The following CUX1 variants were observed in gnomAD, a reference collection of about 807,000 sequenced individuals.
CUX1 encodes the protein protein CASP.
In CUX1, 31 loss-of-function variants were observed where a neutral mutation model predicts 158.8. The ratio of observed to expected loss-of-function variants is 0.20; its 90% CI spans 0.15 to 0.26. CUX1 has a LOEUF of 0.26. Among genes scored for constraint, CUX1 ranks in the 10% least tolerant of loss-of-function variants. CUX1 has a pLI of 1.00. For missense variants in CUX1, 1,589 were observed against 2,014.6 expected (o/e 0.79, Z 4.04); for synonymous variants, 879 against 862.1 (o/e 1.02, Z -0.34).
In CUX1 at chr7:102,252,648, A is replaced by G; in HGVS notation, c.*3606A>G. ...GAGTTCCGGCCCAAGCTCCCTTGTG[A>G]TAGCCGAGATGGCAGGTGTGTGAGT... On this transcript the variant is annotated 3_prime_UTR_variant, in exon 24 of 24. Transcript: ENST00000292535. 1.0e-6 allele frequency: 1 copy of G among 985,434 alleles called. No homozygotes were observed. Among genetic ancestry groups the G allele is most frequent in the Non-Finnish European group, 1.2e-6 (1 of 829,942 alleles). 61.0% of individuals were successfully genotyped at this position (985,434 alleles called of 1,614,324 possible).
At chr7:102,147,724 C>T (rs1351215845) in intron 8 of CUX1, among the ~76,000 whole-genome samples, 3 of 152,134 alleles carry the variant, frequency 2.0e-5, no homozygotes, top group Admixed American at 6.6e-5. Flanking sequence ...TGGGCCGGTG[C>T]GGTGGCTCAT....
chr7:102,064,238 C>T (rs412332), intron 3 of CUX1, among the ~76,000 whole-genome samples: 126,867 of 152,110 alleles, frequency 0.83, 53,048 homozygotes, highest in East Asian at 0.99. Context: ...GTGTGTGAAA[C>T]GGAGTTTTGC....
intron 4 of CUX1, among the ~76,000 whole-genome samples, chr7:102,072,720 C>T (rs1456064852): frequency 6.6e-6 from 1 of 152,144 alleles, no homozygotes; most frequent in East Asian, 1.9e-4. Context: ...TGGTTCCCTG[C>T]CTGCAGACCC....
rs782556127 is a variant in CUX1, at chr7:102,201,418, C to T, written c.2121C>T (p.Arg707=). ...GCGGGAACTCTGATGACGCCATCCG[C>T]TCCATCCTGCAGCAAGCCCGCCGGG... The part of the protein sequence containing the change: ...SGSGNSDDAI[R]SILQQARREM... The change falls in exon 18 of 24, where the codon CGC becomes CGT. Residue 707 remains arginine, a synonymous_variant. Transcript: ENST00000292535. The surrounding 1 kb of genome is among the most constrained non-coding windows in gnomAD (Gnocchi z 5.0). 3.7e-6 allele frequency: 6 copies of T among 1,613,962 alleles called. No homozygotes were observed. Among genetic ancestry groups the T allele is most frequent in the Non-Finnish European group, 5.1e-6 (6 of 1,180,042 alleles).
chr7:101,931,828 G>A (rs1156819420), intron 2 of CUX1, among the ~76,000 whole-genome samples: 1 of 152,146 alleles, frequency 6.6e-6, no homozygotes, highest in Non-Finnish European at 1.5e-5. Context: ...GATTATAGGT[G>A]TGAGCTACCG....
intron 1 of CUX1, among the ~76,000 whole-genome samples, chr7:101,886,629 G>A (rs1800256745): frequency 6.6e-6 from 1 of 152,132 alleles, no homozygotes; most frequent in African/African-American, 2.4e-5. Context: ...AAAGGCTTAG[G>A]GTCCCCTGCG....
chr7:102,280,117 G>A lies in CUX1; in HGVS notation c.1761G>A (p.Lys587=), dbSNP rs782758647. 10 of 1,606,680 alleles carry A rather than the reference G, an allele frequency of 6.2e-6. No homozygotes were observed. In the South Asian group the frequency reaches 8.8e-5, roughly 14 times the overall value. ...TGGACCCCTTCTCCTCCTTCAGCAA[G>A]CGGGTTCGTGAGCCCAGCCTGGGCA... is the stretch of plus-strand genomic sequence containing the variant. Residue 587 remains lysine, a synonymous_variant, in exon 19 of 23, where the codon AAG becomes AAA. Transcript: ENST00000292538.
intron 22 of CUX1, among the ~76,000 whole-genome samples, chr7:102,238,387 C>G (rs1039025099): frequency 1.3e-5 from 2 of 152,226 alleles, no homozygotes; most frequent in Admixed American, 6.5e-5. Context: ...GGCTCGCACT[C>G]TTGTCTTCTG....
At chr7:101,953,601 G>T (rs1440534440) in intron 2 of CUX1, among the ~76,000 whole-genome samples, 3 of 152,172 alleles carry the variant, frequency 2.0e-5, no homozygotes, top group African/African-American at 4.8e-5. Flanking sequence ...TCACTCTGGT[G>T]GTGAGTAATG....
rs1789740106 is a variant in CUX1 at position 102,255,034 on chromosome 7, G to GT, written c.*5993dup. 1 of 985,528 alleles carries GT rather than the reference G, an allele frequency of 1.0e-6. No individual in the cohort carries two copies. The highest frequency in any genetic ancestry group is 4.7e-5 in the South Asian group (1 of 21,276). 61.0% of individuals were successfully genotyped at this position (985,528 alleles called of 1,614,324 possible). A position where few individuals can be genotyped will look rare whatever the true frequency, so the allele number is the denominator to read the frequency against. On this transcript the variant is annotated 3_prime_UTR_variant, in exon 24 of 24. Coordinates refer to ENST00000292535, the MANE Select transcript of CUX1 (RefSeq NM_181552.4). ...TAATCAGGACGGAAGAGGAGGGGGT[G>GT]TGGGGGGCAGAGCGTAAAACAAGCC...
chr7:101,873,325 A>G (rs183681701), intron 1 of CUX1, among the ~76,000 whole-genome samples: 1 of 135,666 alleles, frequency 7.4e-6, no homozygotes, highest in Non-Finnish European at 1.6e-5. Flanking sequence ...TATTTTTCCT[A>G]ATGCTATCCC....
At position 101,921,440 on chromosome 7, in the gene CUX1, T is replaced by TTTATTTATTTA. The variant is rs57287691; in HGVS notation, c.141+5217_141+5218insATTTATTTATT. Among the ~76,000 whole-genome samples the TTTATTTATTTA allele has an allele frequency of 4.8e-3, 725 of 150,086 alleles. 4 individuals carry two copies. The highest frequency in any genetic ancestry group is 8.8e-3 in the African/African-American group (358 of 40,878). ...TGGGGAATTTCTATGTTTTATTTTATTTTATTTATTTATTTATTTATTTAT... is the reference window on the plus strand; with the variant it reads ...TGGGGAATTTCTATGTTTTATTTTATTTATTTATTTATTTATTTATTTATTTATTTATTTAT... On this transcript the variant is annotated intron_variant, in intron 2 of 23. Transcript: ENST00000292535.
At position 102,196,797 on chromosome 7, in the gene CUX1, C is replaced by T; in HGVS notation, c.1386C>T (p.Ser462=). Residue 462 remains serine, a synonymous_variant, in exon 15 of 24, where the codon AGC becomes AGT. Coordinates refer to ENST00000292535, the MANE Select transcript of CUX1 (RefSeq NM_181552.4). The stretch of plus-strand genomic sequence containing the variant: ...CGGGGTTAAGTCAAGACTTTTTCAG[C>T]TCATCCCTGGCAAGCCCCAGCCTAC... ...SPAGLSQDFF[S]SSLASPSLPL... The T allele has an allele frequency of 6.2e-7, 1 of 1,614,186 alleles. No homozygotes were observed. The highest frequency in any genetic ancestry group is 8.5e-7 in the Non-Finnish European group (1 of 1,180,044).
intron 2 of CUX1, among the ~76,000 whole-genome samples, chr7:101,942,357 A>G (rs1020251008): frequency 2.0e-5 from 3 of 152,216 alleles, no homozygotes; most frequent in African/African-American, 7.2e-5. Flanking sequence ...CAAGAGGCCC[A>G]GTTTCTGCAG....
chr7:101,966,769 A>G (rs189404085), intron 2 of CUX1, among the ~76,000 whole-genome samples: 35 of 152,166 alleles, frequency 2.3e-4, no homozygotes, highest in African/African-American at 6.3e-4. Flanking sequence ...GTATCTCCCT[A>G]TATTCACCAA....
At chr7:101,964,964 A>T (rs1810974433) in intron 2 of CUX1, among the ~76,000 whole-genome samples, 1 of 152,170 alleles carries the variant, frequency 6.6e-6, no homozygotes, top group Non-Finnish European at 1.5e-5. Flanking sequence ...TTCCAACACC[A>T]GTGTGTGTGA....
At chr7:102,031,354 C>T (rs1375930725) in intron 3 of CUX1, among the ~76,000 whole-genome samples, 4 of 152,090 alleles carry the variant, frequency 2.6e-5, no homozygotes, top group African/African-American at 4.8e-5. Flanking sequence ...TGAGCCACCG[C>T]GCCTGGCCTG....
chr7:101,923,431 A>G (rs1805203740), intron 2 of CUX1, among the ~76,000 whole-genome samples: 1 of 152,074 alleles, frequency 6.6e-6, no homozygotes, highest in Non-Finnish European at 1.5e-5. Context: ...TTATCATGAA[A>G]CCATCCCCAG....
chr7:101,996,427 C>T (rs1367908176), intron 2 of CUX1, among the ~76,000 whole-genome samples: 1 of 152,088 alleles, frequency 6.6e-6, no homozygotes. Context: ...TGGTCCGGCC[C>T]TGCTGTGCAG....
Sources: gnomAD v4.1 joint callset for allele counts (sites outside exome capture counted in the v4.1 genomes callset) on GRCh38, gnomAD v4.1.1 for gene constraint, Gnocchi (gnomAD v3.1) non-coding constraint, MANE v1.5 for transcripts, NCBI Gene and HGNC (gene_info 2026-07-23, HGNC 2026-07-21) for gene names.